FTCDNL1: variants seen among roughly 807,000 people sequenced by gnomAD.
FTCDNL1 encodes the protein formiminotransferase cyclodeaminase N-terminal like.
In FTCDNL1, 11 loss-of-function variants were observed where a neutral mutation model predicts 5.9. The ratio of observed to expected loss-of-function variants is 1.87; its 90% CI spans 1.18 to 3.10. The LOEUF (loss-of-function observed/expected upper bound fraction) is 3.10. FTCDNL1 is among the 30% of genes most tolerant of loss of function. The pLI is 0.00. For synonymous variants in FTCDNL1, 58 were observed against 24.8 expected, an observed-to-expected ratio of 2.34 and a Z score of -3.99; for missense variants, 115 against 65.5, an observed-to-expected ratio of 1.76 and a Z score of -2.61.
chr2:199,764,210 C>T (rs72922385), intron 3 of FTCDNL1, among the ~76,000 whole-genome samples: 4,004 of 152,312 alleles, frequency 0.026, 103 homozygotes, highest in East Asian at 0.14. Flanking sequence ...AAGGGATACA[C>T]ATTACTAAAA....
At chr2:199,674,819 G>A in the FTCDNL1 span, among the ~76,000 whole-genome samples, 1 of 152,182 alleles carries the variant, frequency 6.6e-6, no homozygotes, top group Non-Finnish European at 1.5e-5. Flanking sequence ...TTCACTTTTA[G>A]TAGGGAGGTA....
chr2:199,818,376 A>G (rs1353776910), intron 4 of FTCDNL1: 1 of 152,110 alleles, frequency 6.6e-6, no homozygotes, highest in Non-Finnish European at 1.5e-5. Flanking sequence ...TTGTAATATC[A>G]CTTTTATTAA....
At chr2:199,676,570 ATATAT>A in the FTCDNL1 span, among the ~76,000 whole-genome samples, 3 of 151,796 alleles carry the variant, frequency 2.0e-5, no homozygotes, top group Admixed American at 6.6e-5. Context: ...CCCTATATTA[ATATAT>A]TATATATATA....
intron 3 of FTCDNL1, among the ~76,000 whole-genome samples, chr2:199,770,194 C>A (rs7572473): frequency 0.6 from 91,922 of 152,122 alleles, 32,422 homozygotes; most frequent in South Asian, 0.84. Flanking sequence ...CAACAAAAGT[C>A]TTTCTTGAGC....
At chr2:199,675,108 C>T in the FTCDNL1 span, among the ~76,000 whole-genome samples, 12 of 152,260 alleles carry the variant, frequency 7.9e-5, no homozygotes, top group South Asian at 1.2e-3. Context: ...GTCGACATTT[C>T]GTGCTTTCTC....
chr2:199,845,912 T>C (rs554761762), intron 3 of FTCDNL1, among the ~76,000 whole-genome samples, 163 bp downstream of exon 3: 1 of 152,100 alleles, frequency 6.6e-6, no homozygotes, highest in African/African-American at 2.4e-5. Flanking sequence ...CTCTTTGAGA[T>C]TTACATGTTC....
intron 3 of FTCDNL1, among the ~76,000 whole-genome samples, chr2:199,845,501 G>C (rs1259743194): frequency 1.3e-5 from 2 of 152,008 alleles, no homozygotes; most frequent in Non-Finnish European, 2.9e-5. Context: ...AACCCCGGAG[G>C]CAGAGGTTGC....
At chr2:199,787,723 GA>G (rs1160958730) in intron 3 of FTCDNL1, among the ~76,000 whole-genome samples, 7 of 151,918 alleles carry the variant, frequency 4.6e-5, no homozygotes, top group Admixed American at 2.0e-4. Context: ...TTATATGGGG[GA>G]AAAAAATACA....
chr2:199,828,363 A>G (rs1321744982), intron 3 of FTCDNL1, among the ~76,000 whole-genome samples: 4 of 152,228 alleles, frequency 2.6e-5, no homozygotes, highest in African/African-American at 9.6e-5. Context: ...ATAATTCTGA[A>G]TACTTCAAGC....
In FTCDNL1 at chr2:199,761,443, T is replaced by C. The variant is rs953420065; in HGVS notation, c.212-608A>G. Among the ~76,000 whole-genome samples the C allele has an allele frequency of 4.6e-5, 7 of 152,186 alleles. 1 individual carries two copies. Among genetic ancestry groups the C allele is most frequent in the African/African-American group, 1.7e-4 (7 of 41,448 alleles). ...CAAAAAGAACAATCTTGCTTCCCACTTGCCATAAATAGAGCAGTGGATTCC... is the reference window on the plus strand; with the variant it reads ...CAAAAAGAACAATCTTGCTTCCCACCTGCCATAAATAGAGCAGTGGATTCC... On this transcript the variant is annotated intron_variant, in intron 3 of 3. Coordinates refer to the FTCDNL1 transcript ENST00000416668.
chr2:199,768,843 A>G (rs562470629), intron 3 of FTCDNL1, among the ~76,000 whole-genome samples: 5 of 152,176 alleles, frequency 3.3e-5, no homozygotes, highest in Non-Finnish European at 7.4e-5. Context: ...ATTGGAGGTA[A>G]GAATGAGAAG....
chr2:199,752,400 CAA>C, the FTCDNL1 span, among the ~76,000 whole-genome samples: 2 of 152,214 alleles, frequency 1.3e-5, no homozygotes, highest in Non-Finnish European at 2.9e-5. Context: ...GATATGTGGT[CAA>C]ACATTAGTTG....
chr2:199,704,446 C>A, the FTCDNL1 span, among the ~76,000 whole-genome samples: 1 of 151,996 alleles, frequency 6.6e-6, no homozygotes, highest in African/African-American at 2.4e-5. Flanking sequence ...AGAGGGAAGA[C>A]AAGCAAAGGC....
chr2:199,758,515 T>C (rs746846477), downstream of FTCDNL1, among the ~76,000 whole-genome samples: 8 of 151,584 alleles, frequency 5.3e-5, no homozygotes, highest in Non-Finnish European at 8.8e-5. Context: ...GCTGGGGTGA[T>C]TGTAATCAGT....
chr2:199,805,294 C>A (rs1281327145), downstream of FTCDNL1, among the ~76,000 whole-genome samples: 2 of 152,060 alleles, frequency 1.3e-5, no homozygotes, highest in Non-Finnish European at 2.9e-5. Flanking sequence ...TTGCAGAGTC[C>A]CAGGATCAGA....
In FTCDNL1 at chr2:199,846,070, C is replaced by A. The variant is rs1012114186; in HGVS notation, c.211+5G>T. 5 of 686,408 alleles carry A rather than the reference C, an allele frequency of 7.3e-6. No individual in the cohort carries two copies. Among genetic ancestry groups the A allele is most frequent in the South Asian group, 1.6e-5 (1 of 64,056 alleles). 42.5% of individuals were successfully genotyped at this position (686,408 alleles called of 1,614,324 possible). ...TATATGTAAAGAAAGAAACTGAAAT[C>A]TTACCCAACTTATCAACAGAAGTTG... On this transcript the variant is annotated splice_donor_5th_base_variant and intron_variant, in intron 3 of 4. Coordinates refer to ENST00000420128, the MANE Select transcript of FTCDNL1 (RefSeq NM_001363886.2).
Position 199,810,660 on chromosome 2 carries a change from T to C in FTCDNL1, c.*2045A>G, listed in dbSNP as rs1219656998. ...GTGGCTCTAATTATAGTTTACACTA[T>C]AAGATGGACAACTTGGTTAAATTAG... is the stretch of plus-strand genomic sequence containing the variant. On this transcript the variant is annotated 3_prime_UTR_variant, in exon 5 of 5. Transcript: ENST00000420128. 6.6e-6 allele frequency among the ~76,000 whole-genome samples: 1 copy of C among 152,238 alleles called. No homozygotes were observed. Among genetic ancestry groups the C allele is most frequent in the Non-Finnish European group, 1.5e-5 (1 of 68,052 alleles).
the FTCDNL1 span, among the ~76,000 whole-genome samples, chr2:199,710,648 T>C: frequency 2.6e-5 from 4 of 152,136 alleles, no homozygotes; most frequent in African/African-American, 9.7e-5. Context: ...GAGATCTTGG[T>C]TTTAGTTCTA....
intron 1 of FTCDNL1, among the ~76,000 whole-genome samples, chr2:199,849,837 A>G (rs1034324534): frequency 1.3e-5 from 2 of 152,208 alleles, no homozygotes; most frequent in Non-Finnish European, 2.9e-5. Context: ...TTTAAATACC[A>G]TAACTAAAAA....
Sources: allele counts gnomAD v4.1 joint callset (sites outside exome capture counted in the v4.1 genomes callset), GRCh38; gene constraint gnomAD v4.1.1; transcripts MANE v1.5; gene names NCBI Gene and HGNC (gene_info 2026-07-23, HGNC 2026-07-21).